The following ERBB4 variants were observed in gnomAD, a reference collection of about 807,000 sequenced individuals.
The protein encoded by ERBB4 is receptor tyrosine-protein kinase erbB-4.
A neutral mutation model predicts 158.0 loss-of-function variants in ERBB4; 42 were observed. The observed-to-expected ratio is 0.27, with a 90% CI of 0.21 to 0.34. The LOEUF (loss-of-function observed/expected upper bound fraction) is 0.34, where lower values mean the gene tolerates loss of function less well. Ranked by LOEUF, ERBB4 falls within the 10% of genes least tolerant of loss-of-function variation. The probability of loss-of-function intolerance (pLI) is 1.00; values close to 1 mark genes in which losing one functional copy is unlikely to be tolerated. For missense variants in ERBB4, 1,333 were observed against 1,624.1 expected (o/e 0.82, Z 3.08); for synonymous variants, 583 against 558.7 (o/e 1.04, Z -0.61).
intron 12 of ERBB4, among the ~76,000 whole-genome samples, chr2:211,700,731 G>A (rs1174757034): frequency 6.6e-6 from 1 of 151,744 alleles, no homozygotes; most frequent in Non-Finnish European, 1.5e-5. Context: ...ACACTCACAC[G>A]TATACACGCA....
chr2:212,177,818 C>CT (rs2081721075), intron 1 of ERBB4, among the ~76,000 whole-genome samples: 1 of 151,832 alleles, frequency 6.6e-6, no homozygotes, highest in African/African-American at 2.4e-5. Flanking sequence ...GATAAGTAGT[C>CT]TATGAGAATG....
intron 1 of ERBB4, among the ~76,000 whole-genome samples, chr2:212,356,634 C>A (rs562455189): frequency 2.6e-5 from 4 of 151,764 alleles, no homozygotes; most frequent in Non-Finnish European, 4.4e-5. Flanking sequence ...TACATTTAAG[C>A]ATCCTCCTTT....
rs767347180 is a variant in ERBB4 at position 211,416,545 on chromosome 2, C to A, written c.3135+3896G>T. Among the ~76,000 whole-genome samples, 3 of 152,156 alleles carry A rather than the reference C, an allele frequency of 2.0e-5. No homozygotes were observed. In the East Asian group the frequency reaches 5.8e-4, roughly 29 times the overall value. ...TATCTACAATAAACAGCCCAGCAAA[C>A]CAGCCTTTTGTAAATCAGATTTGCA... On this transcript the variant is annotated intron_variant, in intron 25 of 27. Coordinates refer to ENST00000342788, the MANE Select transcript of ERBB4 (RefSeq NM_005235.3).
intron 20 of ERBB4, among the ~76,000 whole-genome samples, chr2:211,489,582 A>C (rs909678481): frequency 2.0e-5 from 3 of 152,030 alleles, no homozygotes; most frequent in African/African-American, 7.2e-5. Context: ...CAAGCAATTT[A>C]TCATTATATA....
chr2:211,804,516 G>C (rs899061958), intron 3 of ERBB4, among the ~76,000 whole-genome samples: 5 of 152,152 alleles, frequency 3.3e-5, no homozygotes, highest in Admixed American at 2.0e-4. Context: ...TTCCAAAAAA[G>C]TCTTTCCAAT....
At chr2:212,342,434 A>C (rs993552441) in intron 1 of ERBB4, among the ~76,000 whole-genome samples, 1 of 152,156 alleles carries the variant, frequency 6.6e-6, no homozygotes, top group African/African-American at 2.4e-5. Context: ...GCCTGCCACC[A>C]TGTAAGATGT....
chr2:211,734,975 T>C (rs1417617053), intron 5 of ERBB4, among the ~76,000 whole-genome samples: 1 of 133,608 alleles, frequency 7.5e-6, no homozygotes, highest in Non-Finnish European at 1.6e-5. Context: ...ATTTTAAAAA[T>C]ATAATGTGAA....
chr2:211,522,381 G>A (rs746321480), intron 20 of ERBB4, among the ~76,000 whole-genome samples: 2 of 152,172 alleles, frequency 1.3e-5, no homozygotes, highest in Non-Finnish European at 2.9e-5. Flanking sequence ...AGATGTGACT[G>A]AATTGCTGCA....
chr2:212,437,657 A>G (rs1048195261), intron 1 of ERBB4, among the ~76,000 whole-genome samples: 2 of 152,050 alleles, frequency 1.3e-5, no homozygotes, highest in African/African-American at 4.8e-5. Flanking sequence ...TAGGTCACAA[A>G]AGGAACTCCA....
At chr2:211,754,407 C>CT (rs59474280) in intron 4 of ERBB4, among the ~76,000 whole-genome samples, 5,295 of 138,000 alleles carry the variant, frequency 0.038, 373 homozygotes, top group African/African-American at 0.13. Flanking sequence ...GCAATAATCC[C>CT]TTTTTTTTTT....
chr2:211,466,863 A>G (rs1185490962), intron 20 of ERBB4, among the ~76,000 whole-genome samples: 1 of 152,082 alleles, frequency 6.6e-6, no homozygotes, highest in East Asian at 1.9e-4. Context: ...ATGGTAATAT[A>G]TCAGTTTTCC....
intron 1 of ERBB4, among the ~76,000 whole-genome samples, chr2:212,509,460 C>T (rs1183169712): frequency 3.9e-5 from 6 of 151,920 alleles, no homozygotes; most frequent in East Asian, 3.9e-4. Flanking sequence ...CCTGTAATCA[C>T]GATAGGTTAA....
chr2:212,453,867 CTT>C (rs1221943526), intron 1 of ERBB4, among the ~76,000 whole-genome samples: 2 of 152,022 alleles, frequency 1.3e-5, no homozygotes, highest in Non-Finnish European at 1.5e-5. Flanking sequence ...AGTATTTTCT[CTT>C]TTCTTTCCAG....
At chr2:211,468,672 C>A (rs570672664) in intron 20 of ERBB4, among the ~76,000 whole-genome samples, 172 of 152,058 alleles carry the variant, frequency 1.1e-3, no homozygotes, top group Admixed American at 2.3e-3. Context: ...AGAAAGCCAC[C>A]GTGTTTGATG....
At position 212,383,436 on chromosome 2, in the gene ERBB4, A is replaced by G. The variant is rs975309918; in HGVS notation, c.82+155013T>C. Among the ~76,000 whole-genome samples, 17 of 151,786 alleles carry G rather than the reference A, an allele frequency of 1.1e-4. 1 individual carries two copies. In the East Asian group the frequency reaches 3.1e-3, roughly 28 times the overall value. On this transcript the variant is annotated intron_variant, in intron 1 of 27. Coordinates refer to ENST00000342788, the MANE Select transcript of ERBB4 (RefSeq NM_005235.3). ...AAAGAAGGAAAGAAACAAGAGTATC[A>G]AACTTTTCCCTAATTTGTGAAAAAT...
intron 20 of ERBB4, among the ~76,000 whole-genome samples, chr2:211,495,839 T>G (rs2065455011): frequency 6.6e-6 from 1 of 152,010 alleles, no homozygotes; most frequent in Admixed American, 6.6e-5. Context: ...ATTATTATTA[T>G]AAATGTATAC....
intron 3 of ERBB4, among the ~76,000 whole-genome samples, chr2:211,829,872 T>G (rs2077182644): frequency 6.6e-6 from 1 of 152,170 alleles, no homozygotes; most frequent in East Asian, 1.9e-4. Flanking sequence ...CATAAAAAAT[T>G]ATAAATGACA....
At chr2:212,083,345 A>G (rs1466429332) in intron 2 of ERBB4, among the ~76,000 whole-genome samples, 2 of 151,960 alleles carry the variant, frequency 1.3e-5, no homozygotes, top group Non-Finnish European at 2.9e-5. Flanking sequence ...AAGAGCTATA[A>G]ACAAGGGGTA....
chr2:211,575,490 G>C (rs1185921977), intron 19 of ERBB4, among the ~76,000 whole-genome samples: 1 of 152,154 alleles, frequency 6.6e-6, no homozygotes, highest in Non-Finnish European at 1.5e-5. Flanking sequence ...CAATAGAACA[G>C]ACTTTAGTAA....
Sources: allele counts gnomAD v4.1 joint callset (sites outside exome capture counted in the v4.1 genomes callset), GRCh38; gene constraint gnomAD v4.1.1; transcripts MANE v1.5; gene names NCBI Gene and HGNC (gene_info 2026-07-23, HGNC 2026-07-21).